SLC12A6: variants seen among roughly 807,000 people sequenced by gnomAD.
SLC12A6 encodes K-Cl cotransporter 3.
In SLC12A6, 66 loss-of-function variants were observed where a neutral mutation model predicts 135.3. That is an observed-to-expected ratio of 0.49 (90% CI 0.40 to 0.60). SLC12A6 has a LOEUF of 0.60. Among genes scored for constraint, SLC12A6 ranks in the 20% least tolerant of loss-of-function variants. The pLI is 0.00. For synonymous variants in SLC12A6, 513 were observed against 508.8 expected (o/e 1.01, Z -0.11); for missense variants, 1,058 against 1,452.3 (o/e 0.73, Z 4.41).
intron 3 of SLC12A6, among the ~76,000 whole-genome samples, chr15:34,271,075 G>GT: frequency 6.6e-6 from 1 of 152,200 alleles, no homozygotes; most frequent in Admixed American, 6.5e-5. Flanking sequence ...CCCACAAAAC[G>GT]TGAGGATTAT....
intron 2 of SLC12A6, among the ~76,000 whole-genome samples, chr15:34,331,390 C>T (rs550372938): frequency 1.1e-4 from 17 of 152,350 alleles, no homozygotes; most frequent in Non-Finnish European, 2.1e-4. Flanking sequence ...ATCCGCCCGC[C>T]TTGGCCTCCC....
intron 2 of SLC12A6, among the ~76,000 whole-genome samples, chr15:34,320,922 C>CAATAAAATAA (rs61190764): frequency 1.9e-4 from 28 of 151,086 alleles, no homozygotes; most frequent in African/African-American, 6.8e-4. Context: ...AAAATAAATA[C>CAATAAAATAA]AATAAAATAA....
Position 34,329,322 on chromosome 15 carries a change from A to G in SLC12A6, c.271+7088T>C, listed in dbSNP as rs148799290. ...AGTCCAGAAGTATATGTTAGACACGAAGGGCAAAAGAAGCAGCAGCCATAA... is the reference window on the plus strand; with the variant it reads ...AGTCCAGAAGTATATGTTAGACACGGAGGGCAAAAGAAGCAGCAGCCATAA... On this transcript the variant is annotated intron_variant, in intron 2 of 25. Coordinates refer to ENST00000354181, the MANE Select transcript of SLC12A6 (RefSeq NM_001365088.1). Among the ~76,000 whole-genome samples the G allele has an allele frequency of 1.1e-3, 164 of 152,362 alleles. 1 individual carries two copies. The Middle Eastern group carries it at 0.014, about 13-fold the overall frequency.
rs545606434 is a variant in SLC12A6, at chr15:34,318,856, C to A, written c.271+17554G>T. ...GACCTACAGCCCTGAGGGAGTGGGG[C>A]GCTTGAAGACACGCCTTCCACAGTG... On this transcript the variant is annotated intron_variant, in intron 2 of 25. Coordinates refer to ENST00000354181, the MANE Select transcript of SLC12A6 (RefSeq NM_001365088.1). The A allele has an allele frequency of 3.4e-5, 49 of 1,456,330 alleles. 1 individual carries two copies. The African/African-American group carries it at 5.5e-4, about 16-fold the overall frequency. 90.2% of individuals were successfully genotyped at this position (1,456,330 alleles called of 1,614,324 possible).
chr15:34,256,372 C>G (rs1357597402), intron 6 of SLC12A6, 89 bp from the exon 7 acceptor site: 1 of 886,054 alleles, frequency 1.1e-6, no homozygotes. Context: ...GAGCACTTGG[C>G]AAACATTTAA....
intron 2 of SLC12A6, among the ~76,000 whole-genome samples, chr15:34,323,940 C>CAAAAAAAAAAAAAAAAAAAAAA (rs144461318): frequency 1.5e-4 from 20 of 130,918 alleles, no homozygotes; most frequent in South Asian, 2.5e-4. Flanking sequence ...GATCTTGTCT[C>CAAAAAAAAAAAAAAAAAAAAAA]AAAAAAAAAA....
chr15:34,269,745 A>G (rs1234127304), intron 3 of SLC12A6, among the ~76,000 whole-genome samples: 1 of 152,018 alleles, frequency 6.6e-6, no homozygotes, highest in East Asian at 1.9e-4. Flanking sequence ...ATTCCTATAA[A>G]TTGGTAGTTG....
Position 34,254,509 on chromosome 15 carries a change from A to G in SLC12A6, c.957T>C (p.Arg319=). 1 of 1,613,344 alleles carries G rather than the reference A, an allele frequency of 6.2e-7. No homozygotes were observed. Among genetic ancestry groups the G allele is most frequent in the East Asian group, 2.2e-5 (1 of 44,876 alleles). The change falls in exon 9 of 26, where the codon CGT becomes CGC. Residue 319 remains arginine (R), a synonymous_variant. Coordinates refer to ENST00000354181, the MANE Select transcript of SLC12A6 (RefSeq NM_001365088.1). ...GGACCAAGAAAGCTGTGCCGTAGACACGCATGTTATTTAGCATGGCTGCTG... is the reference window on the plus strand; with the variant it reads ...GGACCAAGAAAGCTGTGCCGTAGACGCGCATGTTATTTAGCATGGCTGCTG... The part of the protein sequence containing the change: ...KESAAMLNNM[R]VYGTAFLVLM...
chr15:34,260,826 A>T, intron 4 of SLC12A6, 100 bp downstream of exon 4: 1 of 705,572 alleles, frequency 1.4e-6, no homozygotes, highest in Non-Finnish European at 2.6e-6. Context: ...ACATTAAATT[A>T]TCCAGCTTGT....
chr15:34,300,869 T>A (rs943674706), intron 2 of SLC12A6, among the ~76,000 whole-genome samples: 1 of 151,936 alleles, frequency 6.6e-6, no homozygotes, highest in African/African-American at 2.4e-5. Context: ...ATCTGCCCAT[T>A]ATAAGCATTT....
chr15:34,242,058 G>C, intron 17 of SLC12A6, 44 bp downstream of exon 17: 1 of 1,528,266 alleles, frequency 6.5e-7, no homozygotes, highest in South Asian at 1.1e-5. Context: ...AAACTAGCTA[G>C]TCTTGCTACT....
intron 2 of SLC12A6, among the ~76,000 whole-genome samples, chr15:34,288,233 GTTT>G (rs1895253534): frequency 6.6e-6 from 1 of 151,420 alleles, no homozygotes; most frequent in Non-Finnish European, 1.5e-5. Context: ...TGTTTGTGTA[GTTT>G]GTGTAGCCTC....
At chr15:34,319,855 T>C (rs912542605) in intron 2 of SLC12A6, among the ~76,000 whole-genome samples, 1 of 151,854 alleles carries the variant, frequency 6.6e-6, no homozygotes, top group African/African-American at 2.4e-5. Context: ...TCAGAACTTT[T>C]GTATTGTACA....
intron 2 of SLC12A6, among the ~76,000 whole-genome samples, chr15:34,277,438 C>T (rs1595482854): frequency 6.6e-6 from 1 of 152,108 alleles, no homozygotes; most frequent in East Asian, 1.9e-4. Context: ...CATCTCTCCC[C>T]CAACCCCCCA....
intron 2 of SLC12A6, among the ~76,000 whole-genome samples, chr15:34,290,625 T>C (rs993775977): frequency 1.3e-4 from 20 of 152,186 alleles, no homozygotes; most frequent in African/African-American, 4.8e-4. Context: ...TCTTTGTAGG[T>C]CTCTAAGAAC....
At chr15:34,316,253 A>G (rs1268948305) in intron 2 of SLC12A6, among the ~76,000 whole-genome samples, 4 of 152,198 alleles carry the variant, frequency 2.6e-5, no homozygotes, top group African/African-American at 7.2e-5. Context: ...TAACTGGCCA[A>G]TGTTGGAAGT....
At chr15:34,310,412 CAA>C (rs1181311895) in intron 2 of SLC12A6, among the ~76,000 whole-genome samples, 214 of 92,114 alleles carry the variant, frequency 2.3e-3, no homozygotes, top group African/African-American at 9.9e-3. Context: ...CTCCTGGGCT[CAA>C]GTGTGTGTGT....
At position 34,254,490 on chromosome 15, in the gene SLC12A6, A is replaced by G. The variant is rs1188558522; in HGVS notation, c.976T>C (p.Leu326=). ...AATACCACTAATACCATAAGGACCA[A>G]GAAAGCTGTGCCGTAGACACGCATG... ...NNMRVYGTAF[L]VLMVLVVFIG... is the part of the protein sequence containing the mutation. The change falls in exon 9 of 26, where the codon TTG becomes CTG. Residue 326 remains leucine, a synonymous_variant. Coordinates refer to ENST00000354181, the MANE Select transcript of SLC12A6 (RefSeq NM_001365088.1). The G allele has an allele frequency of 1.2e-6, 2 of 1,613,934 alleles. No homozygotes were observed. The highest frequency in any genetic ancestry group is 1.7e-6 in the Non-Finnish European group (2 of 1,179,758).
chr15:34,256,885 T>C (rs756778733), intron 6 of SLC12A6, among the ~76,000 whole-genome samples: 2 of 152,192 alleles, frequency 1.3e-5, no homozygotes, highest in South Asian at 2.1e-4. Flanking sequence ...TAGATTAGCG[T>C]TGGTAGCTGA....
Sources: gnomAD v4.1 joint callset for allele counts (sites outside exome capture counted in the v4.1 genomes callset) on GRCh38, gnomAD v4.1.1 for gene constraint, MANE v1.5 for transcripts, NCBI Gene and HGNC (gene_info 2026-07-23, HGNC 2026-07-21) for gene names.